FAM227B: variants seen among roughly 807,000 people sequenced by gnomAD.
FAM227B encodes the protein protein FAM227B.
In FAM227B, 88 loss-of-function variants were observed where a neutral mutation model predicts 73.8. The ratio of observed to expected loss-of-function variants is 1.19; its 90% confidence interval spans 1.00 to 1.42. The LOEUF is 1.42. Ranked by LOEUF, FAM227B falls within the 40% of genes most tolerant of loss-of-function variation. The probability of loss-of-function intolerance (pLI) is 0.00; values close to 1 mark genes in which losing one functional copy is unlikely to be tolerated. For missense variants in FAM227B, 632 were observed against 590.9 expected (o/e 1.07, Z -0.72); for synonymous variants, 210 against 190.5 (o/e 1.10, Z -0.84).
chr15:49,434,513 G>C (rs1462593939), intron 11 of FAM227B: 1 of 151,478 alleles, frequency 6.6e-6, no homozygotes, highest in Non-Finnish European at 1.5e-5. Context: ...CCTGAAGGAT[G>C]AAAGGACAAA....
chr15:49,617,965 T>G (rs1199733689), intron 1 of FAM227B, among the ~76,000 whole-genome samples: 2 of 152,120 alleles, frequency 1.3e-5, no homozygotes, highest in Non-Finnish European at 2.9e-5. Context: ...TGCTCAGAGC[T>G]CCTCCCTCTA....
In FAM227B at chr15:49,426,214, T is replaced by A. The variant is rs1178589472; in HGVS notation, c.1013-54815A>T. Among the ~76,000 whole-genome samples, 7 of 152,000 alleles carry A rather than the reference T, an allele frequency of 4.6e-5. No individual in the cohort carries two copies. The East Asian group carries it at 1.4e-3, about 30-fold the overall frequency. ...TAAAATGTGGGATAGGTACAGATGA[T>A]TTCCATGATACTTTCCAGTTCTTAT... On this transcript the variant is annotated intron_variant, in intron 11 of 15. Coordinates refer to ENST00000299338, the MANE Select transcript of FAM227B (RefSeq NM_152647.3).
At position 49,380,524 on chromosome 15, in the gene FAM227B, AAAG is replaced by A. The variant is rs376889488; in HGVS notation, c.1013-9128_1013-9126del. 3.1e-4 allele frequency among the ~76,000 whole-genome samples: 47 copies of A among 152,332 alleles called. 1 individual carries two copies. In the East Asian group the frequency reaches 7.3e-3, roughly 24 times the overall value. ...AAATGAAACACTAAGTAAACCCATA[AAAG>A]AAGGTTATGTCTCTAACATGCTAAA... On this transcript the variant is annotated intron_variant, in intron 11 of 15. Coordinates refer to ENST00000299338, the MANE Select transcript of FAM227B (RefSeq NM_152647.3).
chr15:49,611,066 AAAGGACAT>A (rs1341358967), intron 3 of FAM227B, 141 bp downstream of exon 3: 2 of 510,100 alleles, frequency 3.9e-6, no homozygotes, highest in African/African-American at 3.9e-5. Context: ...GAGCCTACTC[AAAGGACAT>A]AAGTATTTAT....
intron 11 of FAM227B, among the ~76,000 whole-genome samples, chr15:49,410,834 T>A (rs2048823110): frequency 6.6e-6 from 1 of 152,088 alleles, no homozygotes; most frequent in Admixed American, 6.6e-5. Flanking sequence ...CTGATTAGAA[T>A]GGAAACCAGA....
intron 13 of FAM227B, among the ~76,000 whole-genome samples, chr15:49,355,278 T>G (rs927095357): frequency 7.2e-4 from 110 of 152,230 alleles, no homozygotes; most frequent in Non-Finnish European, 1.4e-3. Context: ...GGCTTCAGAC[T>G]ATCAAATTAC....
At chr15:49,440,651 A>G (rs910089876) in intron 11 of FAM227B, among the ~76,000 whole-genome samples, 4 of 151,728 alleles carry the variant, frequency 2.6e-5, no homozygotes, top group African/African-American at 7.2e-5. Flanking sequence ...TGTCAGGCAC[A>G]GTGCTTGGTG....
intron 10 of FAM227B, among the ~76,000 whole-genome samples, chr15:49,529,231 C>T: frequency 6.6e-6 from 1 of 151,272 alleles, no homozygotes; most frequent in East Asian, 1.9e-4. Context: ...AAGCTGAAAA[C>T]CAAATACCAT....
chr15:49,561,964 C>T (rs1338801576), intron 9 of FAM227B, among the ~76,000 whole-genome samples: 1 of 151,842 alleles, frequency 6.6e-6, no homozygotes, highest in Non-Finnish European at 1.5e-5. Context: ...CAATATAACC[C>T]CAAAGCTAGT....
At chr15:49,463,023 C>T (rs531209011) in intron 11 of FAM227B, among the ~76,000 whole-genome samples, 4 of 152,198 alleles carry the variant, frequency 2.6e-5, no homozygotes, top group Non-Finnish European at 5.9e-5. Context: ...TTAAATCACT[C>T]AAAATAGATT....
rs375041430 is a variant in FAM227B, at chr15:49,328,574, T to C, written c.1521A>G (p.Glu507=). 17 of 1,603,388 alleles carry C rather than the reference T, an allele frequency of 1.1e-5. No individual in the cohort carries two copies. The highest frequency in any genetic ancestry group is 1.4e-5 in the Non-Finnish European group (17 of 1,172,898). ...STDNYNFEEE[E]Y is the part of the protein sequence containing the mutation. ...AGTTCATTTCTGGTTTCTCTTAGTATTCTTCTTCCTCAAAGTTGTAGTTGT... is the reference window on the plus strand; with the variant it reads ...AGTTCATTTCTGGTTTCTCTTAGTACTCTTCTTCCTCAAAGTTGTAGTTGT... Residue 507 remains glutamate, a synonymous_variant, in exon 16 of 16, where the codon GAA becomes GAG. Coordinates refer to ENST00000299338, the MANE Select transcript of FAM227B (RefSeq NM_152647.3).
chr15:49,573,109 A>G (rs2075224575), intron 8 of FAM227B, among the ~76,000 whole-genome samples: 1 of 151,832 alleles, frequency 6.6e-6, no homozygotes, highest in Admixed American at 6.6e-5. Flanking sequence ...TGCTTTAGTT[A>G]TATCTCACAC....
intron 3 of FAM227B, among the ~76,000 whole-genome samples, chr15:49,599,941 T>C (rs992122772): frequency 6.6e-6 from 1 of 152,192 alleles, no homozygotes; most frequent in African/African-American, 2.4e-5. Flanking sequence ...TAGAGAGTTG[T>C]TCAAGTCCTC....
At chr15:49,461,454 A>C (rs1359439858) in intron 11 of FAM227B, among the ~76,000 whole-genome samples, 1 of 152,144 alleles carries the variant, frequency 6.6e-6, no homozygotes, top group Non-Finnish European at 1.5e-5. Context: ...ATCTGACATC[A>C]TGTCTATTTT....
chr15:49,401,749 G>A (rs2048168532), intron 11 of FAM227B, among the ~76,000 whole-genome samples: 1 of 134,006 alleles, frequency 7.5e-6, no homozygotes, highest in African/African-American at 2.7e-5. Context: ...ACTATCGCAA[G>A]AACAAAAAAC....
chr15:49,451,153 A>C (rs79150760), intron 11 of FAM227B, among the ~76,000 whole-genome samples: 2,142 of 152,218 alleles, frequency 0.014, 31 homozygotes, highest in Non-Finnish European at 0.017. Flanking sequence ...TTGTTTCCAA[A>C]ATATTAACTA....
intron 9 of FAM227B, among the ~76,000 whole-genome samples, chr15:49,568,037 G>T (rs1301444970): frequency 1.3e-5 from 2 of 151,986 alleles, no homozygotes; most frequent in African/African-American, 2.4e-5. Context: ...AGTCACTAAG[G>T]AGATTATGTA....
chr15:49,547,387 C>G (rs2152292870), intron 9 of FAM227B, among the ~76,000 whole-genome samples: 1 of 150,234 alleles, frequency 6.7e-6, no homozygotes, highest in African/African-American at 2.5e-5. Context: ...AGCAAAATAA[C>G]CAGCTAACAT....
chr15:49,340,815 G>A (rs2151221969), intron 13 of FAM227B, among the ~76,000 whole-genome samples: 1 of 152,240 alleles, frequency 6.6e-6, no homozygotes, highest in South Asian at 2.1e-4. Flanking sequence ...TGTTTTTGGG[G>A]ACTTAGTCAC....
Sources: gnomAD v4.1 joint callset for allele counts (sites outside exome capture counted in the v4.1 genomes callset) on GRCh38, gnomAD v4.1.1 for gene constraint, MANE v1.5 for transcripts, NCBI Gene and HGNC (gene_info 2026-07-23, HGNC 2026-07-21) for gene names.